The following LRP6 variants were observed in gnomAD, a reference collection of about 807,000 sequenced individuals.
LRP6 encodes the protein LDL receptor related protein 6, also known as low-density lipoprotein receptor-related protein 6.
A neutral mutation model predicts 184.1 loss-of-function variants in LRP6; 43 were observed. That is an observed-to-expected ratio of 0.23 (90% CI 0.18 to 0.30). LRP6 has a LOEUF of 0.30. Among genes scored for constraint, LRP6 ranks in the 10% least tolerant of loss-of-function variants. LRP6 has a pLI of 1.00. For synonymous variants in LRP6, 719 were observed against 684.9 expected (o/e 1.05, Z -0.78); for missense variants, 1,571 against 2,005.3 (o/e 0.78, Z 4.14).
intron 1 of LRP6, among the ~76,000 whole-genome samples, chr12:12,264,709 T>G (rs1186049402): frequency 6.6e-6 from 1 of 151,976 alleles, no homozygotes; most frequent in Non-Finnish European, 1.5e-5. Context: ...AAGAATGAAT[T>G]AATTCTAAAT....
rs114921321 is a variant in LRP6 at position 12,233,806 on chromosome 12, T to C, written c.449+10456A>G. ...TTTTTTAGAGATGGAAAATAAAGTA[T>C]TTACAAGTGAGATATCGATGTGTGA... is the stretch of plus-strand genomic sequence containing the variant. On this transcript the variant is annotated intron_variant, in intron 2 of 22. Transcript: ENST00000261349. 8.8e-3 allele frequency among the ~76,000 whole-genome samples: 1,334 copies of C among 152,236 alleles called. 22 individuals are homozygous for C. The highest frequency in any genetic ancestry group is 0.029 in the African/African-American group (1,215 of 41,528).
At chr12:12,225,192 G>A (rs112939946) in intron 2 of LRP6, among the ~76,000 whole-genome samples, 8,189 of 152,186 alleles carry the variant, frequency 0.054, 322 homozygotes, top group Non-Finnish European at 0.087. Flanking sequence ...CAGCCTGGGC[G>A]ACAAAGCGAG....
At position 12,165,217 on chromosome 12, in the gene LRP6, C is replaced by T; in HGVS notation, c.1624G>A (p.Gly542Ser). The T allele has an allele frequency of 1.2e-6, 2 of 1,614,100 alleles. No homozygotes were observed. Among genetic ancestry groups the T allele is most frequent in the Non-Finnish European group, 1.7e-6 (2 of 1,179,988 alleles). ...CAGTCAGTCCAGTAAACATAGTCAC[C>T]CAACAAAGTAAATCCAAATATGTGA... Reference protein sequence around the residue: ...IPHIFGFTLLGDYVYWTDWQR... With the variant: ...IPHIFGFTLLSDYVYWTDWQR... The change falls in exon 8 of 23, where the codon GGT (glycine) becomes AGT (serine). Residue 542 changes from glycine to serine, a missense_variant. Coordinates refer to ENST00000261349, the MANE Select transcript of LRP6 (RefSeq NM_002336.3).
At chr12:12,127,071 T>C (rs997174355) in intron 19 of LRP6, 150 bp from the exon 20 acceptor site, 1 of 689,730 alleles carries the variant, frequency 1.4e-6, no homozygotes, top group Non-Finnish European at 2.6e-6. Flanking sequence ...AGTACATACA[T>C]ACCACGCCCT....
intron 7 of LRP6, among the ~76,000 whole-genome samples, chr12:12,167,909 G>A (rs1862932399): frequency 6.6e-6 from 1 of 152,090 alleles, no homozygotes; most frequent in African/African-American, 2.4e-5. Flanking sequence ...ACCACTCACT[G>A]TTAAACTGAA....
chr12:12,239,629 C>T lies in LRP6; in HGVS notation c.449+4633G>A, dbSNP rs188735636. Reference sequence around the variant, plus strand: ...CGAAGGTAGACAAAATCCCCAAGTGCAGGCAGCCTATACTCATAAAGGTAC... The same window carrying T: ...CGAAGGTAGACAAAATCCCCAAGTGTAGGCAGCCTATACTCATAAAGGTAC... On this transcript the variant is annotated intron_variant, in intron 2 of 22. Coordinates refer to ENST00000261349, the MANE Select transcript of LRP6 (RefSeq NM_002336.3). Among the ~76,000 whole-genome samples, 217 of 151,944 alleles carry T rather than the reference C, an allele frequency of 1.4e-3. 1 individual carries two copies. Among genetic ancestry groups the T allele is most frequent in the African/African-American group, 5.1e-3 (212 of 41,502 alleles).
intron 17 of LRP6, among the ~76,000 whole-genome samples, chr12:12,134,402 G>C (rs1280111248): frequency 6.6e-6 from 1 of 152,030 alleles, no homozygotes; most frequent in Non-Finnish European, 1.5e-5. Context: ...AATTAACTTA[G>C]AATTATCCCC....
Position 12,241,291 on chromosome 12 carries a change from G to GT in LRP6, c.449+2970dup, listed in dbSNP as rs140442853. ...GTACTTTGTCTGGAACTCAAACTTC[G>GT]TATTTCCCCCAAAAAATAAATCTGG... On this transcript the variant is annotated intron_variant, in intron 2 of 22. Transcript: ENST00000261349. Among the ~76,000 whole-genome samples the GT allele has an allele frequency of 5.5e-3, 835 of 152,096 alleles. 8 individuals carry two copies. Among genetic ancestry groups the GT allele is most frequent in the African/African-American group, 0.019 (773 of 41,480 alleles).
At chr12:12,232,271 G>C (rs138187064) in intron 2 of LRP6, among the ~76,000 whole-genome samples, 8,672 of 151,396 alleles carry the variant, frequency 0.057, 267 homozygotes, top group Middle Eastern at 0.16. Context: ...GTAGTCCCAG[G>C]TTATTGGGAG....
At chr12:12,199,748 G>A (rs558990896) in intron 3 of LRP6, among the ~76,000 whole-genome samples, 7 of 151,734 alleles carry the variant, frequency 4.6e-5, no homozygotes, top group Non-Finnish European at 8.8e-5. Flanking sequence ...GGCGGATCAC[G>A]AGGTAAGGAG....
At chr12:12,223,459 A>G (rs1211980111) in intron 2 of LRP6, among the ~76,000 whole-genome samples, 3 of 152,144 alleles carry the variant, frequency 2.0e-5, no homozygotes, top group Non-Finnish European at 4.4e-5. Flanking sequence ...AAATACAACC[A>G]CTACTCTTAT....
intron 2 of LRP6, among the ~76,000 whole-genome samples, chr12:12,223,405 G>C (rs185063697): frequency 1.8e-4 from 27 of 152,156 alleles, no homozygotes; most frequent in African/African-American, 6.3e-4. Context: ...GAACCATACC[G>C]CACATATTTA....
chr12:12,198,093 AT>A (rs1483469118), intron 3 of LRP6, among the ~76,000 whole-genome samples: 3 of 152,150 alleles, frequency 2.0e-5, no homozygotes, highest in Non-Finnish European at 4.4e-5. Context: ...TAATTTTTGT[AT>A]TTTTTGTAGA....
intron 16 of LRP6, among the ~76,000 whole-genome samples, chr12:12,137,661 G>A (rs894376719): frequency 6.6e-6 from 1 of 152,010 alleles, no homozygotes; most frequent in African/African-American, 2.4e-5. Context: ...GGGAAGTATA[G>A]AGAGGGAAGA....
intron 2 of LRP6, among the ~76,000 whole-genome samples, chr12:12,225,008 C>G (rs530810756): frequency 6.6e-6 from 1 of 152,246 alleles, no homozygotes; most frequent in Non-Finnish European, 1.5e-5. Context: ...AGTTCTAGAC[C>G]AGCCTGACCA....
rs938107007 is a variant in LRP6 at position 12,171,245 on chromosome 12, G to A, written c.1546-5950C>T. Among the ~76,000 whole-genome samples, 65 of 152,280 alleles carry A rather than the reference G, an allele frequency of 4.3e-4. 1 individual carries two copies. The highest frequency in any genetic ancestry group is 1.5e-3 in the South Asian group (7 of 4,826). Reference sequence around the variant, plus strand: ...ATAAATGCTATTATTGGCCGAGCGCGGTGGCTCACGCCTGTAATCCCAGCA... The same window carrying A: ...ATAAATGCTATTATTGGCCGAGCGCAGTGGCTCACGCCTGTAATCCCAGCA... On this transcript the variant is annotated intron_variant, in intron 7 of 22. Coordinates refer to ENST00000261349, the MANE Select transcript of LRP6 (RefSeq NM_002336.3).
chr12:12,160,169 G>A (rs1405425943), intron 10 of LRP6, among the ~76,000 whole-genome samples: 1 of 152,142 alleles, frequency 6.6e-6, no homozygotes, highest in Non-Finnish European at 1.5e-5. Context: ...AAAAGGAAGT[G>A]AGTCAGCTTT....
At chr12:12,181,484 T>G (rs768769951) in intron 5 of LRP6, 45 bp from the exon 6 acceptor site, 1 of 893,742 alleles carries the variant, frequency 1.1e-6, no homozygotes, top group Non-Finnish European at 1.9e-6. Context: ...AACCCAGAGG[T>G]AAAATTTACC....
intron 2 of LRP6, among the ~76,000 whole-genome samples, chr12:12,221,027 T>C (rs1303939046): frequency 6.6e-6 from 1 of 152,200 alleles, no homozygotes; most frequent in Non-Finnish European, 1.5e-5. Flanking sequence ...AGTGGCATGT[T>C]TGCAGTCTCA....
Sources: gnomAD v4.1 joint callset for allele counts (sites outside exome capture counted in the v4.1 genomes callset) on GRCh38, gnomAD v4.1.1 for gene constraint, MANE v1.5 for transcripts, NCBI Gene and HGNC (gene_info 2026-07-23, HGNC 2026-07-21) for gene names.